Variants in RNF4 observed in about 807,000 individuals in gnomAD.
RNF4 encodes the protein ring finger protein 4.
RNF4 carries 7 observed loss-of-function variants against 24.3 expected under a neutral mutation model. The ratio of observed to expected loss-of-function variants is 0.29; its 90% CI spans 0.16 to 0.54. The LOEUF is 0.54. RNF4 is among the 20% of genes least tolerant of loss of function. RNF4 has a pLI of 0.95. For missense variants in RNF4, 209 were observed against 248.5 expected, an observed-to-expected ratio of 0.84 and a Z score of 1.07; for synonymous variants, 83 against 84.3, an observed-to-expected ratio of 0.98 and a Z score of 0.09.
chr4:2,476,439 G>A (rs781286476), intron 1 of RNF4, among the ~76,000 whole-genome samples: 1 of 152,160 alleles, frequency 6.6e-6, no homozygotes, highest in Non-Finnish European at 1.5e-5. Flanking sequence ...CTGTCACCCA[G>A]GCTGGAGTAC....
chr4:2,505,433 C>G (rs1005232964), intron 4 of RNF4: 1 of 151,436 alleles, frequency 6.6e-6, no homozygotes. Flanking sequence ...TCACACCATT[C>G]TCCTGCCTCA....
At chr4:2,508,599 GTTTTTTGTTTTTGTTT>G (rs1319008696) in intron 4 of RNF4, among the ~76,000 whole-genome samples, 2 of 152,034 alleles carry the variant, frequency 1.3e-5, no homozygotes, top group Middle Eastern at 3.4e-3. Flanking sequence ...GTTTTGTTTT[GTTTTTTGTTTTTGTTT>G]TGTTTTGTTT....
intron 4 of RNF4, 153 bp downstream of exon 4, chr4:2,500,891 A>G (rs1314851877): frequency 3.0e-6 from 2 of 656,916 alleles, no homozygotes; most frequent in East Asian, 2.8e-5. Flanking sequence ...TTTAGAAAGA[A>G]AATAAACAGT....
At chr4:2,486,717 G>A (rs1735419961) in intron 1 of RNF4, among the ~76,000 whole-genome samples, 1 of 152,214 alleles carries the variant, frequency 6.6e-6, no homozygotes, top group South Asian at 2.1e-4. Context: ...GTATTTGGAA[G>A]CCTCAATATC....
intron 4 of RNF4, among the ~76,000 whole-genome samples, chr4:2,504,207 C>T (rs571543174): frequency 6.6e-6 from 1 of 152,312 alleles, no homozygotes; most frequent in South Asian, 2.1e-4. Context: ...TAGTTTCCCT[C>T]AAAATGAACT....
At chr4:2,511,141 T>A (rs980422064) in intron 4 of RNF4, among the ~76,000 whole-genome samples, 3 of 152,226 alleles carry the variant, frequency 2.0e-5, no homozygotes, top group Non-Finnish European at 1.5e-5. Flanking sequence ...CACGTAACCC[T>A]CACAACAGCA....
At chr4:2,507,605 T>A (rs574057102) in intron 4 of RNF4, among the ~76,000 whole-genome samples, 1 of 152,172 alleles carries the variant, frequency 6.6e-6, no homozygotes, top group African/African-American at 2.4e-5. Flanking sequence ...GGGTGAACAT[T>A]CCTAGAAATG....
intron 2 of RNF4, among the ~76,000 whole-genome samples, chr4:2,492,072 G>A (rs1489444916): frequency 2.0e-5 from 3 of 151,962 alleles, no homozygotes; most frequent in East Asian, 1.9e-4. Flanking sequence ...GTTGGCGGGC[G>A]CCTGTAGTCC....
At chr4:2,509,770 G>A (rs551928375) in intron 4 of RNF4, among the ~76,000 whole-genome samples, 5 of 152,134 alleles carry the variant, frequency 3.3e-5, no homozygotes, top group South Asian at 2.1e-4. Context: ...CTCAGTACGC[G>A]CACTGTCATG....
chr4:2,485,297 T>C (rs749189437), intron 1 of RNF4, among the ~76,000 whole-genome samples: 1 of 152,184 alleles, frequency 6.6e-6, no homozygotes, highest in Non-Finnish European at 1.5e-5. Context: ...TTCCTCCTCC[T>C]TGAAGAAGGA....
intron 4 of RNF4, among the ~76,000 whole-genome samples, chr4:2,508,500 C>T (rs964007903): frequency 3.9e-5 from 6 of 152,200 alleles, no homozygotes; most frequent in Admixed American, 1.3e-4. Context: ...GTGGAGGGAA[C>T]ACCAGTAATC....
At chr4:2,488,600 G>A (rs1735485460) in intron 1 of RNF4, among the ~76,000 whole-genome samples, 1 of 152,218 alleles carries the variant, frequency 6.6e-6, no homozygotes, top group African/African-American at 2.4e-5. Context: ...TGAGTGTGGT[G>A]ATGGGTATGT....
intron 1 of RNF4, among the ~76,000 whole-genome samples, chr4:2,477,371 G>A (rs1425517989): frequency 1.3e-5 from 2 of 152,056 alleles, no homozygotes; most frequent in African/African-American, 2.4e-5. Context: ...CGGATCACGA[G>A]GTTAGGAGTT....
At chr4:2,474,322 G>C (rs554624175) in intron 1 of RNF4, among the ~76,000 whole-genome samples, 2 of 150,332 alleles carry the variant, frequency 1.3e-5, no homozygotes. Flanking sequence ...AGGTTGCAGC[G>C]AGCCGAAATC....
At position 2,490,704 on chromosome 4, in the gene RNF4, G is replaced by T. The variant is rs570716752; in HGVS notation, c.9+202G>T. 1.2e-4 allele frequency: 61 copies of T among 529,940 alleles called. 1 individual carries two copies. Among genetic ancestry groups the T allele is most frequent in the Admixed American group, 9.5e-4 (29 of 30,678 alleles). 32.8% of individuals were successfully genotyped at this position (529,940 alleles called of 1,614,324 possible). On this transcript the variant is annotated intron_variant, in intron 2 of 7. Coordinates refer to ENST00000314289, the MANE Select transcript of RNF4 (RefSeq NM_002938.5). The stretch of plus-strand genomic sequence containing the variant: ...CTACATTCGAGTCATAAAGGGCAGA[G>T]CCCTGAAGACAAAAGGCTGAGAAGG...
Position 2,471,589 on chromosome 4 carries a change from A to G in RNF4, c.-158+2331A>G, listed in dbSNP as rs190606815. Among the ~76,000 whole-genome samples, 103 of 152,356 alleles carry G rather than the reference A, an allele frequency of 6.8e-4. 1 individual carries two copies. Among genetic ancestry groups the G allele is most frequent in the Middle Eastern group, 3.4e-3 (1 of 294 alleles). ...CAAAAGTTGAGATAGGCCAAAAGCTAGGCCTCTTGTGCTGAATGACAGTTA... is the reference window on the plus strand; with the variant it reads ...CAAAAGTTGAGATAGGCCAAAAGCTGGGCCTCTTGTGCTGAATGACAGTTA... On this transcript the variant is annotated intron_variant, in intron 1 of 7. Coordinates refer to ENST00000314289, the MANE Select transcript of RNF4 (RefSeq NM_002938.5).
Position 2,513,950 on chromosome 4 carries a change from T to C in RNF4, c.*131T>C. 8.1e-7 allele frequency: 1 copy of C among 1,232,926 alleles called. No homozygotes were observed. The highest frequency in any genetic ancestry group is 1.2e-6 in the Non-Finnish European group (1 of 869,364). 76.4% of individuals were successfully genotyped at this position (1,232,926 alleles called of 1,614,324 possible). ...AACATCTGATATGTAAACTGCTCTT[T>C]TGTTTCCAACCCCTTCCTTTTGTTA... On this transcript the variant is annotated 3_prime_UTR_variant, in exon 8 of 8. Coordinates refer to ENST00000314289, the MANE Select transcript of RNF4 (RefSeq NM_002938.5).
chr4:2,503,400 C>T (rs1031384080), intron 4 of RNF4, among the ~76,000 whole-genome samples: 21 of 152,044 alleles, frequency 1.4e-4, no homozygotes, highest in African/African-American at 5.1e-4. Context: ...GGATGGGTGG[C>T]CAGAGGGAGA....
In RNF4 at chr4:2,490,333, T is replaced by G; in HGVS notation, c.-157-4T>G. On this transcript the variant is annotated splice_region_variant and splice_polypyrimidine_tract_variant and intron_variant, in intron 1 of 7. Coordinates refer to ENST00000314289, the MANE Select transcript of RNF4 (RefSeq NM_002938.5). ...TTTATCAAATTAATATCTTTGTTTTTCAGGACTTGAAAATACTGGAAATCT... is the reference window on the plus strand; with the variant it reads ...TTTATCAAATTAATATCTTTGTTTTGCAGGACTTGAAAATACTGGAAATCT... The G allele has an allele frequency of 1.6e-6, 1 of 635,436 alleles. No individual in the cohort carries two copies. The allele number at this position is 635,436 out of a possible 1,614,324, so 39.4% of individuals were successfully genotyped here.
Sources: gnomAD v4.1 joint callset for allele counts (sites outside exome capture counted in the v4.1 genomes callset) on GRCh38, gnomAD v4.1.1 for gene constraint, MANE v1.5 for transcripts, NCBI Gene and HGNC (gene_info 2026-07-23, HGNC 2026-07-21) for gene names.